ICE2: variants seen among roughly 807,000 people sequenced by gnomAD.
The protein encoded by ICE2 is interactor of little elongation complex ELL subunit 2, also known as little elongation complex subunit 2.
Under a neutral mutation model 105.4 loss-of-function variants are expected in ICE2, and 87 were observed. The observed-to-expected ratio is 0.83, with a 90% CI of 0.69 to 0.99. The LOEUF (loss-of-function observed/expected upper bound fraction) is 0.99, where lower values mean the gene tolerates loss of function less well. Among genes scored for constraint, ICE2 ranks in the 50% least tolerant of loss-of-function variants. The pLI is 0.00. For synonymous variants in ICE2, 399 were observed against 392.0 expected (o/e 1.02, Z -0.21); for missense variants, 1,323 against 1,146.7 (o/e 1.15, Z -2.22).
Position 60,449,142 on chromosome 15 carries a change from A to G in ICE2, c.1825T>C (p.Ser609Pro). ...LSSRPASPNS[S>P]SGQASVGNQT... ...TTTCCTACAGAAGCCTGTCCTGAGGAAGAATTTGGACTAGCTGGTCTGGAA... is the reference window on the plus strand; with the variant it reads ...TTTCCTACAGAAGCCTGTCCTGAGGGAGAATTTGGACTAGCTGGTCTGGAA... The change falls in exon 10 of 16, where the codon TCC becomes CCC. Residue 609 changes from serine (S) to proline (P), a missense_variant. Physicochemically the swap from Ser to Pro is moderately conservative, Grantham distance 74. Coordinates refer to ENST00000261520, the MANE Select transcript of ICE2 (RefSeq NM_024611.6). 6.2e-7 allele frequency: 1 copy of G among 1,614,080 alleles called. No individual in the cohort carries two copies. The highest frequency in any genetic ancestry group is 1.3e-5 in the African/African-American group (1 of 75,044).
intron 5 of ICE2, 41 bp from the exon 6 acceptor site, chr15:60,456,835 TA>T: frequency 7.5e-7 from 1 of 1,331,722 alleles, no homozygotes; most frequent in Non-Finnish European, 1.0e-6. Flanking sequence ...TGTATTTCTC[TA>T]ATAATGCAAA....
rs2063258616 is a variant in ICE2 at position 60,422,813 on chromosome 15, TG to T, written c.*820del. ...GAGATCATGCCACTGCACTCCAGCC[TG>T]GGCAACAGAGCGAGACTCCATCTCA... On this transcript the variant is annotated 3_prime_UTR_variant, in exon 16 of 16. Coordinates refer to ENST00000261520, the MANE Select transcript of ICE2 (RefSeq NM_024611.6). The T allele has an allele frequency of 1.3e-5, 2 of 150,600 alleles. No homozygotes were observed. Among genetic ancestry groups the T allele is most frequent in the Admixed American group, 1.3e-4 (2 of 14,926 alleles). 9.3% of individuals were successfully genotyped at this position (150,600 alleles called of 1,614,324 possible). A position where few individuals can be genotyped will look rare whatever the true frequency, so the allele number is the denominator to read the frequency against.
intron 6 of ICE2, 47 bp downstream of exon 6, chr15:60,456,610 C>A: frequency 9.8e-7 from 1 of 1,017,802 alleles, no homozygotes; most frequent in Non-Finnish European, 1.4e-6. Flanking sequence ...CACACACACA[C>A]TATTTCAGAC....
intron 9 of ICE2, chr15:60,453,072 A>G: frequency 1.5e-6 from 1 of 680,194 alleles, no homozygotes; most frequent in Non-Finnish European, 1.8e-6. Context: ...CTCTACTAAA[A>G]CTACAAAAAA....
At chr15:60,438,013 C>G (rs897110656) in intron 12 of ICE2, 1 of 152,064 alleles carries the variant, frequency 6.6e-6, no homozygotes, top group Non-Finnish European at 1.5e-5. Context: ...TTCCAAAAAA[C>G]AAAACAGCAA....
At chr15:60,447,020 A>T (rs1374077887) in intron 11 of ICE2, among the ~76,000 whole-genome samples, 1 of 152,224 alleles carries the variant, frequency 6.6e-6, no homozygotes, top group Non-Finnish European at 1.5e-5. Flanking sequence ...CACACAAAAA[A>T]ATGCAAACTA....
intron 11 of ICE2, 101 bp from the exon 12 acceptor site, chr15:60,442,646 T>A (rs2063743077): frequency 1.8e-5 from 15 of 856,310 alleles, no homozygotes; most frequent in Admixed American, 5.6e-5. Flanking sequence ...TGCTTTCAGG[T>A]AATCTTATTT....
At chr15:60,466,283 C>T (rs1331720271) in intron 5 of ICE2, among the ~76,000 whole-genome samples, 3 of 152,124 alleles carry the variant, frequency 2.0e-5, no homozygotes, top group Admixed American at 6.6e-5. Flanking sequence ...ACCAGGATAA[C>T]GCTTTAAATG....
At chr15:60,452,678 A>G (rs1360579928) in intron 9 of ICE2, 1 of 166,880 alleles carries the variant, frequency 6.0e-6, no homozygotes, top group Non-Finnish European at 1.2e-5. Context: ...AAAATACAGA[A>G]TAATAAAAGC....
intron 3 of ICE2, among the ~76,000 whole-genome samples, chr15:60,469,285 C>T (rs532162546): frequency 2.6e-5 from 4 of 151,992 alleles, no homozygotes; most frequent in South Asian, 2.1e-4. Context: ...TACACATGGG[C>T]GTGTTGCGGG....
chr15:60,444,631 T>G (rs991577245), intron 11 of ICE2, among the ~76,000 whole-genome samples: 2 of 152,218 alleles, frequency 1.3e-5, no homozygotes, highest in African/African-American at 4.8e-5. Flanking sequence ...TTCATAATCA[T>G]GTATTGAACT....
At position 60,453,713 on chromosome 15, in the gene ICE2, TTC is replaced by T; in HGVS notation, c.1013_1014del (p.Arg338LysfsTer6). On this transcript the variant is annotated frameshift_variant, in exon 9 of 16. Transcript: ENST00000261520. LOFTEE classifies it high-confidence loss of function. ...LPQKKMTMRE[R>X]NQIFHEVPLK... ...AATGGAACTTCATGAAAGATTTGATTTCTCTCTCTCATAGTCATTTTCTTTTG... is the reference window on the plus strand; with the variant it reads ...AATGGAACTTCATGAAAGATTTGATTTCTCTCTCATAGTCATTTTCTTTTG... The T allele has an allele frequency of 6.2e-7, 1 of 1,609,870 alleles. No individual in the cohort carries two copies. Among genetic ancestry groups the T allele is most frequent in the South Asian group, 1.1e-5 (1 of 90,948 alleles).
chr15:60,471,187 G>A (rs750277690), intron 3 of ICE2, among the ~76,000 whole-genome samples: 1 of 152,108 alleles, frequency 6.6e-6, no homozygotes. Context: ...GATGAGAGAA[G>A]AATTTTGGAA....
intron 13 of ICE2, 90 bp from the exon 14 acceptor site, chr15:60,432,074 T>C (rs756678735): frequency 3.4e-6 from 2 of 588,710 alleles, no homozygotes; most frequent in East Asian, 3.3e-5. Context: ...ATGCCCTCAA[T>C]AACAACAACA....
At chr15:60,452,985 C>G in intron 9 of ICE2, 2 of 979,168 alleles carry the variant, frequency 2.0e-6, no homozygotes, top group Non-Finnish European at 1.2e-6. Flanking sequence ...AATCCCAGCA[C>G]TTTGGGTGGC....
chr15:60,457,932 T>A (rs572627480), intron 5 of ICE2, among the ~76,000 whole-genome samples: 1 of 152,296 alleles, frequency 6.6e-6, no homozygotes, highest in African/African-American at 2.4e-5. Context: ...AATTTGAATA[T>A]GCAAAGGAAG....
intron 10 of ICE2, 110 bp from the exon 11 acceptor site, chr15:60,448,255 C>T: frequency 1.4e-6 from 1 of 704,904 alleles, no homozygotes; most frequent in East Asian, 2.8e-5. Flanking sequence ...CTTTAATTTT[C>T]TACTTCTCTG....
At chr15:60,428,830 T>A in intron 14 of ICE2, 143 bp from the exon 15 acceptor site, 2 of 860,752 alleles carry the variant, frequency 2.3e-6, no homozygotes, top group Non-Finnish European at 1.7e-6. Flanking sequence ...AAAATAAGAT[T>A]TAAGAAATCT....
intron 5 of ICE2, among the ~76,000 whole-genome samples, chr15:60,465,039 A>G (rs1397795538): frequency 6.6e-6 from 1 of 152,216 alleles, no homozygotes; most frequent in Middle Eastern, 3.2e-3. Flanking sequence ...TATCAAAACA[A>G]GAACAGCTGC....
Sources: allele counts gnomAD v4.1 joint callset (sites outside exome capture counted in the v4.1 genomes callset), GRCh38; gene constraint gnomAD v4.1.1; transcripts MANE v1.5; gene names NCBI Gene and HGNC (gene_info 2026-07-23, HGNC 2026-07-21).